LUZP2: variants seen among roughly 807,000 people sequenced by gnomAD.
The protein encoded by LUZP2 is leucine zipper protein 2.
A neutral mutation model predicts 51.6 loss-of-function variants in LUZP2; 52 were observed. The observed-to-expected ratio is 1.01, with a 90% CI of 0.81 to 1.27. LUZP2 has a LOEUF of 1.27. Ranked by LOEUF, LUZP2 falls within the 50% of genes most tolerant of loss-of-function variation. The probability of loss-of-function intolerance (pLI) is 0.00; values close to 1 mark genes in which losing one functional copy is unlikely to be tolerated. For synonymous variants in LUZP2, 154 were observed against 137.3 expected (o/e 1.12, Z -0.85); for missense variants, 436 against 395.4 (o/e 1.10, Z -0.87).
At chr11:24,800,024 T>G (rs1256458663) in intron 5 of LUZP2, among the ~76,000 whole-genome samples, 1 of 152,144 alleles carries the variant, frequency 6.6e-6, no homozygotes, top group Non-Finnish European at 1.5e-5. Flanking sequence ...CAAGGCAAAG[T>G]GTAGATTTGA....
intron 4 of LUZP2, among the ~76,000 whole-genome samples, chr11:24,739,986 C>T (rs940061631): frequency 6.6e-6 from 1 of 152,040 alleles, no homozygotes; most frequent in African/African-American, 2.4e-5. Flanking sequence ...GCTTGTCGAT[C>T]CCTCCTCCCA....
intron 4 of LUZP2, among the ~76,000 whole-genome samples, chr11:24,750,915 A>G (rs1859556234): frequency 1.3e-5 from 2 of 152,210 alleles, no homozygotes; most frequent in Admixed American, 1.3e-4. Flanking sequence ...CTATTTTTAA[A>G]TGATATTCTT....
intron 1 of LUZP2, among the ~76,000 whole-genome samples, chr11:24,519,113 C>T (rs1185587134): frequency 6.6e-6 from 1 of 152,140 alleles, no homozygotes; most frequent in African/African-American, 2.4e-5. Context: ...CACTGTTATC[C>T]ACTCAGGATT....
At chr11:24,909,149 AAT>A (rs942729318) in intron 6 of LUZP2, among the ~76,000 whole-genome samples, 21 of 150,186 alleles carry the variant, frequency 1.4e-4, no homozygotes, top group African/African-American at 3.2e-4. Context: ...ATTTTTTAAA[AAT>A]ATATATATAT....
At chr11:24,700,696 A>T (rs1233970603) in intron 1 of LUZP2, among the ~76,000 whole-genome samples, 1 of 152,058 alleles carries the variant, frequency 6.6e-6, no homozygotes, top group East Asian at 1.9e-4. Context: ...GGACTATTGG[A>T]TATTGATATA....
In LUZP2 at chr11:25,015,176, C is replaced by A. The variant is rs1857113128; in HGVS notation, c.765+31883C>A. ...TAGTCATGCTATATCCGTATAAATT[C>A]TCACAAAACACTAAAAGAAAGAAAC... On this transcript the variant is annotated intron_variant, in intron 9 of 11. Transcript: ENST00000336930. 2.0e-5 allele frequency among the ~76,000 whole-genome samples: 3 copies of A among 152,114 alleles called. No individual in the cohort carries two copies. The South Asian group carries it at 6.2e-4, about 31-fold the overall frequency.
chr11:24,736,034 A>C (rs1479697564), intron 3 of LUZP2, among the ~76,000 whole-genome samples: 1 of 151,994 alleles, frequency 6.6e-6, no homozygotes, highest in African/African-American at 2.4e-5. Flanking sequence ...CAAAAAGTCT[A>C]CTTTACCTTT....
At chr11:24,570,133 A>G (rs1425686015) in intron 1 of LUZP2, among the ~76,000 whole-genome samples, 1 of 152,036 alleles carries the variant, frequency 6.6e-6, no homozygotes, top group Non-Finnish European at 1.5e-5. Flanking sequence ...ATATCAGCTA[A>G]GGAAAAACAA....
At chr11:24,576,944 C>T (rs934316065) in intron 1 of LUZP2, among the ~76,000 whole-genome samples, 1 of 151,806 alleles carries the variant, frequency 6.6e-6, no homozygotes, top group Admixed American at 6.6e-5. Context: ...TTAAAAGAAT[C>T]GTATGTTCAA....
chr11:24,639,868 C>T (rs1299072702), intron 1 of LUZP2, among the ~76,000 whole-genome samples: 1 of 151,898 alleles, frequency 6.6e-6, no homozygotes, highest in African/African-American at 2.4e-5. Flanking sequence ...ACCTTCCTCT[C>T]CTCACTACCC....
At chr11:24,864,824 C>T (rs976240734) in intron 5 of LUZP2, among the ~76,000 whole-genome samples, 2 of 152,132 alleles carry the variant, frequency 1.3e-5, no homozygotes, top group African/African-American at 4.8e-5. Context: ...GGTGATGCCA[C>T]AATCTAAAAC....
chr11:24,584,482 A>T (rs1288305923), intron 1 of LUZP2, among the ~76,000 whole-genome samples: 2 of 152,186 alleles, frequency 1.3e-5, no homozygotes, highest in African/African-American at 4.8e-5. Context: ...TATATATCTG[A>T]TCTATTGCTT....
At chr11:24,711,918 C>G (rs534714494) in intron 1 of LUZP2, among the ~76,000 whole-genome samples, 11 of 152,054 alleles carry the variant, frequency 7.2e-5, no homozygotes, top group African/African-American at 2.7e-4. Context: ...ATAAATGCAC[C>G]AAACTTTTGA....
chr11:25,047,397 ATT>A lies in LUZP2; in HGVS notation c.766-2632_766-2631del, dbSNP rs56939257. Among the ~76,000 whole-genome samples, 12 of 111,062 alleles carry A rather than the reference ATT, an allele frequency of 1.1e-4. No individual in the cohort carries two copies. In the South Asian group the frequency reaches 3.2e-3, roughly 30 times the overall value. 72.9% of individuals were successfully genotyped at this position (111,062 alleles called of 152,430 possible). On this transcript the variant is annotated intron_variant, in intron 9 of 11. Coordinates refer to ENST00000336930, the MANE Select transcript of LUZP2 (RefSeq NM_001009909.4). ...TTTTTATTTTTTTTAATTTTTTTTAATTTTTTTTTTATTATACTCTAAGAATG... is the reference window on the plus strand; with the variant it reads ...TTTTTATTTTTTTTAATTTTTTTTAATTTTTTTTATTATACTCTAAGAATG...
At chr11:24,802,483 T>G (rs1849723957) in intron 5 of LUZP2, among the ~76,000 whole-genome samples, 1 of 152,014 alleles carries the variant, frequency 6.6e-6, no homozygotes, top group Admixed American at 6.6e-5. Context: ...TTTAAAAAAT[T>G]TGCTGAAGTA....
chr11:24,924,113 T>C (rs2133820920), intron 7 of LUZP2, among the ~76,000 whole-genome samples: 1 of 151,544 alleles, frequency 6.6e-6, no homozygotes, highest in Non-Finnish European at 1.5e-5. Flanking sequence ...GAGTCTCATT[T>C]TGTCGCCAGG....
chr11:25,069,273 A>G (rs532798955), intron 10 of LUZP2, among the ~76,000 whole-genome samples: 1 of 151,968 alleles, frequency 6.6e-6, no homozygotes, highest in Non-Finnish European at 1.5e-5. Flanking sequence ...CAGTTGCAAC[A>G]GCAATAACTT....
intron 1 of LUZP2, among the ~76,000 whole-genome samples, chr11:24,524,122 G>C (rs1366470272): frequency 2.0e-5 from 3 of 151,782 alleles, no homozygotes; most frequent in Non-Finnish European, 4.4e-5. Context: ...TTCAGAAATT[G>C]AGCTGGCCAG....
At chr11:24,595,216 G>A (rs991702728) in intron 1 of LUZP2, among the ~76,000 whole-genome samples, 2 of 148,330 alleles carry the variant, frequency 1.3e-5, no homozygotes, top group Non-Finnish European at 3.0e-5. Context: ...CAGTTTGCAA[G>A]CATCTCTGAT....
Sources: gnomAD v4.1 joint callset for allele counts (sites outside exome capture counted in the v4.1 genomes callset) on GRCh38, gnomAD v4.1.1 for gene constraint, MANE v1.5 for transcripts, NCBI Gene and HGNC (gene_info 2026-07-23, HGNC 2026-07-21) for gene names.